ACIN1: variants seen among roughly 807,000 people sequenced by gnomAD.
ACIN1 encodes apoptotic chromatin condensation inducer 1, also known as apoptotic chromatin condensation inducer in the nucleus.
A neutral mutation model predicts 146.6 loss-of-function variants in ACIN1; 16 were observed. The ratio of observed to expected loss-of-function variants is 0.11; its 90% CI spans 0.07 to 0.17. The LOEUF is 0.17. ACIN1 is among the 10% of genes least tolerant of loss of function. The probability of loss-of-function intolerance (pLI) is 1.00; values close to 1 mark genes in which losing one functional copy is unlikely to be tolerated. For synonymous variants in ACIN1, 569 were observed against 582.7 expected, an observed-to-expected ratio of 0.98 and a Z score of 0.34; for missense variants, 1,357 against 1,609.3, an observed-to-expected ratio of 0.84 and a Z score of 2.68.
At chr14:23,093,409 C>T in intron 2 of ACIN1, 70 bp downstream of exon 2, 1 of 1,457,708 alleles carries the variant, frequency 6.9e-7, no homozygotes, top group South Asian at 1.2e-5. Flanking sequence ...ATCAAATATA[C>T]AACACCACGT....
intron 6 of ACIN1, 124 bp from the exon 7 acceptor site, chr14:23,079,162 C>T (rs552809305): frequency 2.0e-6 from 2 of 1,008,612 alleles, no homozygotes; most frequent in South Asian, 1.7e-5. Flanking sequence ...TCTGTGTTTA[C>T]TCCCATTTTG....
intron 8 of ACIN1, 31 bp from the exon 9 acceptor site, chr14:23,069,648 G>GGGGGC: frequency 2.5e-5 from 15 of 589,338 alleles, no homozygotes; most frequent in Non-Finnish European, 4.2e-5. Flanking sequence ...TGGTGGGGGG[G>GGGGGC]CGGGCAGAAA....
chr14:23,079,578 C>CATGAAT lies in ACIN1; in HGVS notation c.1756_1757insATTCAT (p.Arg586delinsHisSerCys). ...GCTGTTGCTTGATGCTGAACGAGAA[C>CATGAAT]GTGAACGTGACCTTGATCTGGACTC... is the stretch of plus-strand genomic sequence containing the variant. On this transcript the variant is annotated protein_altering_variant, in exon 6 of 19. Transcript: ENST00000605057. The CATGAAT allele has an allele frequency of 6.2e-7, 1 of 1,613,758 alleles. No homozygotes were observed. The highest frequency in any genetic ancestry group is 8.5e-7 in the Non-Finnish European group (1 of 1,179,892).
At chr14:23,085,926 C>T (rs1463180202) in intron 4 of ACIN1, among the ~76,000 whole-genome samples, 1 of 152,190 alleles carries the variant, frequency 6.6e-6, no homozygotes. Flanking sequence ...AGCCAGAAGG[C>T]TTCACAGAAA....
chr14:23,081,325 G>A (rs1253589174), intron 5 of ACIN1, among the ~76,000 whole-genome samples: 1 of 152,096 alleles, frequency 6.6e-6, no homozygotes, highest in East Asian at 1.9e-4. Flanking sequence ...CTAATAATGT[G>A]CTTTAAGAAT....
intron 8 of ACIN1, among the ~76,000 whole-genome samples, chr14:23,076,079 C>T (rs1238728540): frequency 6.6e-6 from 1 of 152,178 alleles, no homozygotes; most frequent in Non-Finnish European, 1.5e-5. Flanking sequence ...GGCTGCCAGA[C>T]TGCACACTTA....
chr14:23,074,728 T>C (rs1040854545), intron 8 of ACIN1, among the ~76,000 whole-genome samples: 12 of 152,128 alleles, frequency 7.9e-5, no homozygotes, highest in Non-Finnish European at 1.6e-4. Context: ...TATCTACCCA[T>C]AAGTAAACAG....
chr14:23,080,307 A>G lies in ACIN1; in HGVS notation c.1028T>C (p.Leu343Pro), dbSNP rs1481347373. The G allele has an allele frequency of 1.9e-6, 3 of 1,614,050 alleles. No homozygotes were observed. Among genetic ancestry groups the G allele is most frequent in the Non-Finnish European group, 2.5e-6 (3 of 1,180,034 alleles). Reference sequence around the variant, plus strand: ...GGCAGTTTGCTCTGGCAGCGCTACAAGTGAGGCCTTCTTTCGATCTTCAGT... The same window carrying G: ...GGCAGTTTGCTCTGGCAGCGCTACAGGTGAGGCCTTCTTTCGATCTTCAGT... ...RLTEDRKKAS[L>P]VALPEQTASE... The change falls in exon 6 of 19, where the codon CTT becomes CCT. Residue 343 changes from leucine (L) to proline (P), a missense_variant. Leu to Pro is a moderately conservative substitution (Grantham distance 98). Transcript: ENST00000605057.
At chr14:23,065,866 G>T in intron 10 of ACIN1, 100 bp downstream of exon 10, 1 of 1,093,976 alleles carries the variant, frequency 9.1e-7, no homozygotes, top group Non-Finnish European at 1.4e-6. Context: ...GCAGGAGGGA[G>T]TGACCCAAGA....
chr14:23,075,103 G>C (rs2047764457), intron 8 of ACIN1, among the ~76,000 whole-genome samples: 1 of 152,020 alleles, frequency 6.6e-6, no homozygotes, highest in Admixed American at 6.6e-5. Flanking sequence ...TGTCCCCTGG[G>C]GAATATCAAT....
intron 9 of ACIN1, 120 bp from the exon 10 acceptor site, chr14:23,066,128 A>G (rs963555515): frequency 1.4e-6 from 1 of 700,644 alleles, no homozygotes; most frequent in Non-Finnish European, 2.4e-6. Flanking sequence ...AGAGTGAGAG[A>G]GAGAGACAGA....
rs1473706718 is a variant in ACIN1 at position 23,080,741 on chromosome 14, G to A, written c.594C>T (p.Ser198=). 3.3e-5 allele frequency: 53 copies of A among 1,613,616 alleles called. No homozygotes were observed. The highest frequency in any genetic ancestry group is 4.2e-5 in the Non-Finnish European group (49 of 1,179,878). Residue 198 remains serine, a synonymous_variant, in exon 6 of 19, where the codon TCC becomes TCT. Coordinates refer to ENST00000605057, the MANE Select transcript of ACIN1 (RefSeq NM_001386863.1). ...AEEEEDQETP[S]RNLRVRADRN... is the part of the protein sequence containing the mutation. The stretch of plus-strand genomic sequence containing the variant: ...GATCTGCTCTGACCCTTAGGTTTCT[G>A]GAAGGTGTTTCTTGATCCTCTTCCT...
chr14:23,058,651 G>GA lies in ACIN1; in HGVS notation c.*496dup, dbSNP rs1424129135. The GA allele has an allele frequency of 1.3e-5, 2 of 158,194 alleles. No individual in the cohort carries two copies. The highest frequency in any genetic ancestry group is 3.8e-4 in the East Asian group (2 of 5,270). 9.8% of individuals were successfully genotyped at this position (158,194 alleles called of 1,614,324 possible). On this transcript the variant is annotated 3_prime_UTR_variant, in exon 19 of 19. Coordinates refer to ENST00000605057, the MANE Select transcript of ACIN1 (RefSeq NM_001386863.1). Reference sequence around the variant, plus strand: ...AATAAAAATAAAAATTGAACAAAAGGAAAAGGTGGATATAAAGTGGAACCT... The same window carrying GA: ...AATAAAAATAAAAATTGAACAAAAGGAAAAAGGTGGATATAAAGTGGAACCT...
chr14:23,078,812 T>C lies in ACIN1; in HGVS notation c.2007+8A>G, dbSNP rs369254853. On this transcript the variant is annotated splice_region_variant and intron_variant, in intron 7 of 18. Coordinates refer to ENST00000605057, the MANE Select transcript of ACIN1 (RefSeq NM_001386863.1). ...ATCTCTGTGTAGGGAGGGGTCACAATAGCCTACCCGCTCAGGCTGTAACCT... is the reference window on the plus strand; with the variant it reads ...ATCTCTGTGTAGGGAGGGGTCACAACAGCCTACCCGCTCAGGCTGTAACCT... The C allele has an allele frequency of 6.7e-5, 108 of 1,611,526 alleles. 1 individual carries two copies. The highest frequency in any genetic ancestry group is 8.0e-5 in the Non-Finnish European group (94 of 1,179,498).
chr14:23,064,025 C>G (rs778448059), intron 12 of ACIN1, 80 bp downstream of exon 12: 22 of 1,575,016 alleles, frequency 1.4e-5, no homozygotes, highest in Non-Finnish European at 1.7e-5. Context: ...CCTCCAAAGA[C>G]TTTATCTCAG....
intron 2 of ACIN1, among the ~76,000 whole-genome samples, chr14:23,093,209 C>G (rs1345292525): frequency 6.6e-6 from 1 of 152,210 alleles, no homozygotes; most frequent in African/African-American, 2.4e-5. Flanking sequence ...GATCTCTGTA[C>G]TACACGTAAT....
At position 23,075,653 on chromosome 14, in the gene ACIN1, G is replaced by A. The variant is rs73598417; in HGVS notation, c.2123+2498C>T. ...ACTGCTCTGTTTTTTAAAGTCATAT[G>A]ACTTCTTGTTGAGACAGACAGAAAA... On this transcript the variant is annotated intron_variant, in intron 8 of 18. Transcript: ENST00000605057. Among the ~76,000 whole-genome samples, 1,410 of 148,402 alleles carry A rather than the reference G, an allele frequency of 9.5e-3. 23 individuals are homozygous for A. Among genetic ancestry groups the A allele is most frequent in the African/African-American group, 0.034 (1,358 of 40,172 alleles).
At chr14:23,094,022 T>C (rs375948212) in intron 1 of ACIN1, among the ~76,000 whole-genome samples, 1 of 79,268 alleles carries the variant, frequency 1.3e-5, no homozygotes, top group Non-Finnish European at 2.6e-5. Context: ...CCTAGATTTA[T>C]CAAATTTATA....
At chr14:23,086,264 C>G (rs2048088461) in intron 4 of ACIN1, among the ~76,000 whole-genome samples, 1 of 152,224 alleles carries the variant, frequency 6.6e-6, no homozygotes, top group South Asian at 2.1e-4. Flanking sequence ...GGGGCATACT[C>G]TATAAGCCAA....
Sources: gnomAD v4.1 joint callset for allele counts (sites outside exome capture counted in the v4.1 genomes callset) on GRCh38, gnomAD v4.1.1 for gene constraint, MANE v1.5 for transcripts, NCBI Gene and HGNC (gene_info 2026-07-23, HGNC 2026-07-21) for gene names.